The following CCDC3 variants were observed in gnomAD, a reference collection of about 807,000 sequenced individuals.
The protein encoded by CCDC3 is coiled-coil domain containing 3.
In CCDC3, 24 loss-of-function variants were observed where a neutral mutation model predicts 21.4. The ratio of observed to expected loss-of-function variants is 1.12; its 90% CI spans 0.81 to 1.58. The LOEUF is 1.58. CCDC3 is among the 40% of genes most tolerant of loss of function. CCDC3 has a pLI of 0.00. For synonymous variants in CCDC3, 186 were observed against 166.0 expected (o/e 1.12, Z -0.93); for missense variants, 425 against 360.9 (o/e 1.18, Z -1.44).
intron 2 of CCDC3, among the ~76,000 whole-genome samples, chr10:12,985,866 T>C (rs2131275550): frequency 6.6e-6 from 1 of 152,210 alleles, no homozygotes; most frequent in East Asian, 1.9e-4. Context: ...GTGATAAAAT[T>C]GCATCGAGTT....
At chr10:12,959,047 T>C (rs982934944) in intron 2 of CCDC3, among the ~76,000 whole-genome samples, 2 of 152,138 alleles carry the variant, frequency 1.3e-5, no homozygotes, top group African/African-American at 4.8e-5. Context: ...TGTCGCCACA[T>C]AGGGGGAATG....
intron 2 of CCDC3, among the ~76,000 whole-genome samples, chr10:12,936,382 G>C (rs1834738309): frequency 6.6e-6 from 1 of 151,936 alleles, no homozygotes. Context: ...TTTTGAGACA[G>C]GATCTCACTC....
chr10:12,907,864 G>A (rs1358012756), intron 2 of CCDC3, among the ~76,000 whole-genome samples: 1 of 152,152 alleles, frequency 6.6e-6, no homozygotes, highest in African/African-American at 2.4e-5. Context: ...CATTCTAGAG[G>A]GGAGATGCTA....
chr10:13,050,341 G>T (rs1403674137), intron 4 of CCDC3, among the ~76,000 whole-genome samples: 1 of 152,188 alleles, frequency 6.6e-6, no homozygotes, highest in Non-Finnish European at 1.5e-5. Flanking sequence ...CAGGAGGCAG[G>T]TGTCGACCTT....
intron 5 of CCDC3, among the ~76,000 whole-genome samples, chr10:13,020,313 G>A (rs547615524): frequency 6.6e-6 from 1 of 152,284 alleles, no homozygotes; most frequent in African/African-American, 2.4e-5. Context: ...ATTCTAAATT[G>A]TCAACACCTA....
intron 2 of CCDC3, among the ~76,000 whole-genome samples, chr10:12,958,386 T>G (rs1263186202): frequency 6.6e-6 from 1 of 152,100 alleles, no homozygotes; most frequent in Non-Finnish European, 1.5e-5. Flanking sequence ...CCAGACGACC[T>G]GAGCCACAAA....
chr10:13,088,546 G>C (rs1328591610), intron 3 of CCDC3, among the ~76,000 whole-genome samples: 3 of 152,142 alleles, frequency 2.0e-5, no homozygotes, highest in African/African-American at 7.2e-5. Context: ...ATGAGAACTA[G>C]AGATGAAAAC....
At chr10:13,014,476 AAAAAAGAAAAG>A (rs1334367488) in intron 5 of CCDC3, among the ~76,000 whole-genome samples, 44 of 150,320 alleles carry the variant, frequency 2.9e-4, no homozygotes, top group Non-Finnish European at 4.9e-4. Flanking sequence ...AAAAAGAAAA[AAAAAAGAAAAG>A]AAAGAGAGAA....
intron 2 of CCDC3, among the ~76,000 whole-genome samples, chr10:12,947,991 G>A (rs1002613706): frequency 6.6e-6 from 1 of 152,166 alleles, no homozygotes; most frequent in African/African-American, 2.4e-5. Flanking sequence ...CATGCAGCCT[G>A]ACTCCAGAGC....
chr10:13,004,330 T>G (rs991978081), upstream of CCDC3, among the ~76,000 whole-genome samples: 2 of 152,140 alleles, frequency 1.3e-5, no homozygotes, highest in Non-Finnish European at 2.9e-5. Flanking sequence ...TGATGGGACA[T>G]GTGGTAAAAC....
At chr10:12,926,476 A>G (rs1357628644) in intron 2 of CCDC3, among the ~76,000 whole-genome samples, 1 of 152,186 alleles carries the variant, frequency 6.6e-6, no homozygotes, top group African/African-American at 2.4e-5. Context: ...AGCACAAAGA[A>G]TGGCATTTCC....
intron 2 of CCDC3, among the ~76,000 whole-genome samples, chr10:12,899,268 TA>T (rs1834058137): frequency 6.6e-6 from 1 of 152,024 alleles, no homozygotes; most frequent in East Asian, 1.9e-4. Flanking sequence ...CCACTCATAA[TA>T]ACATAAAAAA....
chr10:12,922,288 C>T (rs920782964), intron 2 of CCDC3, among the ~76,000 whole-genome samples: 22 of 152,070 alleles, frequency 1.4e-4, no homozygotes, highest in Non-Finnish European at 2.4e-4. Context: ...CGCACTCGGA[C>T]GGGCTTCTGC....
rs201457224 is a variant in CCDC3 at position 13,001,400 on chromosome 10, G to T, written c.171C>A (p.Gly57=). 1 of 1,571,292 alleles carries T rather than the reference G, an allele frequency of 6.4e-7. No individual in the cohort carries two copies. The highest frequency in any genetic ancestry group is 1.3e-5 in the African/African-American group (1 of 74,224). Residue 57 remains glycine (G), a synonymous_variant, in exon 1 of 3, where the codon GGC becomes GGA. Coordinates refer to ENST00000378825, the MANE Select transcript of CCDC3 (RefSeq NM_031455.4). The part of the protein sequence containing the change: ...RVLALHPEAP[G]LYNHLPWQYH... ...ACTGCCAGGGCAGGTGGTTGTAGAG[G>T]CCGGGCGCCTCGGGGTGCAGCGCCA...
In CCDC3 at chr10:12,898,597, T is replaced by TC. The variant is rs1450106527; in HGVS notation, c.631dup (p.Glu211GlyfsTer23). ...CTCCCGGAGCTGCCGGTTGCGCTTCTCCAGGGTGGCCACTTTCTGCTGCAG... is the reference window on the plus strand; with the variant it reads ...CTCCCGGAGCTGCCGGTTGCGCTTCTCCCAGGGTGGCCACTTTCTGCTGCAG... On this transcript the variant is annotated frameshift_variant, in exon 3 of 3. Transcript: ENST00000378825. LOFTEE classifies it high-confidence loss of function. 1 of 1,614,220 alleles carries TC rather than the reference T, an allele frequency of 6.2e-7. No individual in the cohort carries two copies. Among genetic ancestry groups the TC allele is most frequent in the Admixed American group, 1.7e-5 (1 of 60,030 alleles).
chr10:12,968,258 A>G (rs536826327), intron 2 of CCDC3, among the ~76,000 whole-genome samples: 1 of 152,120 alleles, frequency 6.6e-6, no homozygotes, highest in Non-Finnish European at 1.5e-5. Flanking sequence ...GAAAACAGGA[A>G]AACAATATAT....
intron 2 of CCDC3, among the ~76,000 whole-genome samples, chr10:12,969,135 A>G (rs780431535): frequency 6.6e-6 from 1 of 152,196 alleles, no homozygotes; most frequent in African/African-American, 2.4e-5. Context: ...CAATTAAAAA[A>G]TGGGCAAAGG....
chr10:13,058,280 T>C, intron 4 of CCDC3: 2 of 1,370,186 alleles, frequency 1.5e-6, no homozygotes, highest in Non-Finnish European at 1.0e-6. Context: ...ATCAATGCTT[T>C]CCACATCGTA....
In CCDC3 at chr10:13,009,034, G is replaced by C. The variant is rs536078034; in HGVS notation, c.-1-10522C>G. 3.9e-5 allele frequency among the ~76,000 whole-genome samples: 6 copies of C among 152,192 alleles called. No individual in the cohort carries two copies. In the East Asian group the frequency reaches 7.7e-4, roughly 20 times the overall value. ...GATCATCTGTCTAGAAAATGCAAAT[G>C]AATCTACAAAAAAGCTACTAGAATT... is the stretch of plus-strand genomic sequence containing the variant. On this transcript the variant is annotated intron_variant, in intron 5 of 6. Transcript: ENST00000378839.
Sources: allele counts gnomAD v4.1 joint callset (sites outside exome capture counted in the v4.1 genomes callset), GRCh38; gene constraint gnomAD v4.1.1; transcripts MANE v1.5; gene names NCBI Gene and HGNC (gene_info 2026-07-23, HGNC 2026-07-21).